Variants in KCND2 observed in about 807,000 individuals in gnomAD.
KCND2 encodes the protein A-type voltage-gated potassium channel KCND2.
Under a neutral mutation model 54.4 loss-of-function variants are expected in KCND2, and 16 were observed. That is an observed-to-expected ratio of 0.29 (90% CI 0.20 to 0.45). KCND2 has a LOEUF of 0.45. Among genes scored for constraint, KCND2 ranks in the 20% least tolerant of loss-of-function variants. The probability of loss-of-function intolerance (pLI) is 1.00; values close to 1 mark genes in which losing one functional copy is unlikely to be tolerated. For missense variants in KCND2, 486 were observed against 824.2 expected (o/e 0.59, Z 5.02); for synonymous variants, 317 against 310.7 (o/e 1.02, Z -0.21).
intron 1 of KCND2, among the ~76,000 whole-genome samples, chr7:120,391,280 T>A (rs62471549): frequency 0.1 from 15,628 of 152,150 alleles, 842 homozygotes; most frequent in Admixed American, 0.13. Flanking sequence ...GATTCCTTGG[T>A]GTATATGTGC....
intron 1 of KCND2, among the ~76,000 whole-genome samples, chr7:120,446,632 G>A (rs1456800375): frequency 1.3e-5 from 2 of 152,006 alleles, no homozygotes; most frequent in Non-Finnish European, 2.9e-5. Flanking sequence ...ATTTTCATGG[G>A]AAGTTATGGC....
At chr7:120,704,594 AT>A (rs1792442847) in intron 1 of KCND2, among the ~76,000 whole-genome samples, 1 of 152,240 alleles carries the variant, frequency 6.6e-6, no homozygotes, top group African/African-American at 2.4e-5. Flanking sequence ...AGCTATAATC[AT>A]TTGCAGATAG....
intron 1 of KCND2, among the ~76,000 whole-genome samples, chr7:120,633,209 T>C (rs1793261318): frequency 6.6e-6 from 1 of 152,236 alleles, no homozygotes; most frequent in Non-Finnish European, 1.5e-5. Context: ...ACTGCTTTTG[T>C]AACCAATTGC....
In KCND2 at chr7:120,502,128, G is replaced by A. The variant is rs116990636; in HGVS notation, c.1115+226381G>A. Among the ~76,000 whole-genome samples the A allele has an allele frequency of 7.4e-3, 1,128 of 152,094 alleles. 11 individuals carry two copies. The highest frequency in any genetic ancestry group is 0.013 in the Non-Finnish European group (872 of 67,968). On this transcript the variant is annotated intron_variant, in intron 1 of 5. Coordinates refer to ENST00000331113, the MANE Select transcript of KCND2 (RefSeq NM_012281.3). The stretch of plus-strand genomic sequence containing the variant: ...CGGTTGGAAATGTGGGAAGCCTATG[G>A]CTGTTACTGTGTTTAAGTAGCAAAC...
rs3993713 is a variant in KCND2, at chr7:120,588,402, AGT to A, written c.1116-144462_1116-144461del. Among the ~76,000 whole-genome samples, 619 of 141,382 alleles carry A rather than the reference AGT, an allele frequency of 4.4e-3. 4 individuals are homozygous for A. The highest frequency in any genetic ancestry group is 0.019 in the East Asian group (90 of 4,776). 92.8% of individuals were successfully genotyped at this position (141,382 alleles called of 152,430 possible). A position where few individuals can be genotyped will look rare whatever the true frequency, so the allele number is the denominator to read the frequency against. On this transcript the variant is annotated intron_variant, in intron 1 of 5. Transcript: ENST00000331113. ...GAATAATAGAGGGAGGCAACTGTGC[AGT>A]GTGTGTGTGTGTGTGTGTGTGTGTG...
intron 2 of KCND2, among the ~76,000 whole-genome samples, chr7:120,737,058 ACACACACACACAC>A (rs1792879864): frequency 2.1e-5 from 3 of 144,868 alleles, no homozygotes; most frequent in African/African-American, 7.8e-5. Context: ...ACACACACAC[ACACACACACACAC>A]ACACAAACAA....
At chr7:120,333,577 G>A (rs781329258) in intron 1 of KCND2, among the ~76,000 whole-genome samples, 12 of 151,966 alleles carry the variant, frequency 7.9e-5, no homozygotes, top group East Asian at 5.8e-4. Flanking sequence ...AGTTCAAAGC[G>A]TAAGAAAAAT....
At chr7:120,349,957 A>T (rs562750952) in intron 1 of KCND2, among the ~76,000 whole-genome samples, 2 of 152,152 alleles carry the variant, frequency 1.3e-5, no homozygotes, top group South Asian at 4.1e-4. Flanking sequence ...AATTAATTGA[A>T]TTAATTATTT....
intron 1 of KCND2, among the ~76,000 whole-genome samples, chr7:120,278,363 A>G (rs1562994575): frequency 6.6e-6 from 1 of 151,916 alleles, no homozygotes; most frequent in Non-Finnish European, 1.5e-5. Context: ...ATAATAGTTG[A>G]AGCCAATATC....
intron 1 of KCND2, among the ~76,000 whole-genome samples, chr7:120,621,864 A>G (rs1196268298): frequency 6.6e-6 from 1 of 152,176 alleles, no homozygotes; most frequent in African/African-American, 2.4e-5. Flanking sequence ...TAGGAGTAGT[A>G]TGAATAGGCC....
At position 120,458,863 on chromosome 7, in the gene KCND2, G is replaced by A. The variant is rs539729719; in HGVS notation, c.1115+183116G>A. ...AATAATTATTATTATTATATTATTAGCATTATTATTATTATGGAAAGACAG... is the reference window on the plus strand; with the variant it reads ...AATAATTATTATTATTATATTATTAACATTATTATTATTATGGAAAGACAG... On this transcript the variant is annotated intron_variant, in intron 1 of 5. Coordinates refer to ENST00000331113, the MANE Select transcript of KCND2 (RefSeq NM_012281.3). Among the ~76,000 whole-genome samples the A allele has an allele frequency of 6.0e-4, 90 of 149,966 alleles. No homozygotes were observed. The Middle Eastern group carries it at 0.011, about 18-fold the overall frequency.
chr7:120,492,166 G>C (rs1802791847), intron 1 of KCND2, among the ~76,000 whole-genome samples: 1 of 151,782 alleles, frequency 6.6e-6, no homozygotes, highest in South Asian at 2.1e-4. Flanking sequence ...CATTCTTGTG[G>C]AATGAGAAAC....
chr7:120,392,329 A>C (rs1801091105), intron 1 of KCND2, among the ~76,000 whole-genome samples: 1 of 151,848 alleles, frequency 6.6e-6, no homozygotes, highest in Non-Finnish European at 1.5e-5. Context: ...CTTGTAGTAT[A>C]GTTTGAAGTC....
chr7:120,571,363 G>A (rs963514103), intron 1 of KCND2, among the ~76,000 whole-genome samples: 1 of 152,166 alleles, frequency 6.6e-6, no homozygotes, highest in African/African-American at 2.4e-5. Flanking sequence ...TTGTTATGGA[G>A]GGAATCTTGG....
At chr7:120,372,109 T>C (rs150143253) in intron 1 of KCND2, among the ~76,000 whole-genome samples, 14 of 152,074 alleles carry the variant, frequency 9.2e-5, no homozygotes, top group Non-Finnish European at 1.6e-4. Context: ...AGTAGTGGGA[T>C]TGCTGATTCT....
chr7:120,655,181 A>T (rs1487219257), intron 1 of KCND2, among the ~76,000 whole-genome samples: 2 of 152,096 alleles, frequency 1.3e-5, no homozygotes, highest in Admixed American at 1.3e-4. Context: ...TATTTTTAAA[A>T]TTCTTTAATT....
intron 1 of KCND2, among the ~76,000 whole-genome samples, chr7:120,298,878 C>G (rs1799547359): frequency 6.6e-6 from 1 of 152,164 alleles, no homozygotes; most frequent in African/African-American, 2.4e-5. Context: ...AGAATGGAGG[C>G]CTGGCGCGGT....
chr7:120,382,340 C>A (rs991445308), intron 1 of KCND2, among the ~76,000 whole-genome samples: 4 of 151,740 alleles, frequency 2.6e-5, no homozygotes, highest in Non-Finnish European at 5.9e-5. Flanking sequence ...ATGTTCTGAA[C>A]AAGAATATGG....
At chr7:120,530,203 A>G (rs1249845192) in intron 1 of KCND2, among the ~76,000 whole-genome samples, 1 of 152,220 alleles carries the variant, frequency 6.6e-6, no homozygotes, top group African/African-American at 2.4e-5. Flanking sequence ...CTTATAACAC[A>G]AAGTATAAAT....
Sources: allele counts gnomAD v4.1 joint callset (sites outside exome capture counted in the v4.1 genomes callset), GRCh38; gene constraint gnomAD v4.1.1; transcripts MANE v1.5; gene names NCBI Gene and HGNC (gene_info 2026-07-23, HGNC 2026-07-21).